Variants in CNTNAP2 observed in about 807,000 individuals in gnomAD.
CNTNAP2 encodes the protein contactin-associated protein-like 2.
A neutral mutation model predicts 155.2 loss-of-function variants in CNTNAP2; 98 were observed. That is an observed-to-expected ratio of 0.63 (90% confidence interval 0.54 to 0.75). The LOEUF (loss-of-function observed/expected upper bound fraction) is 0.75. CNTNAP2 is among the 30% of genes least tolerant of loss of function. CNTNAP2 has a pLI of 0.00. For synonymous variants in CNTNAP2, 651 were observed against 631.2 expected (o/e 1.03, Z -0.47); for missense variants, 1,727 against 1,688.1 (o/e 1.02, Z -0.40).
At chr7:147,599,624 A>C (rs1310065804) in intron 12 of CNTNAP2, among the ~76,000 whole-genome samples, 1 of 152,098 alleles carries the variant, frequency 6.6e-6, no homozygotes, top group Non-Finnish European at 1.5e-5. Context: ...TGGGGAAAAA[A>C]ATCTTTCCTT....
chr7:147,748,768 T>C (rs1038958249), intron 13 of CNTNAP2, among the ~76,000 whole-genome samples: 2 of 152,156 alleles, frequency 1.3e-5, no homozygotes, highest in Admixed American at 6.6e-5. Context: ...CTGGACTAAA[T>C]AGTGTGTCTA....
intron 1 of CNTNAP2, among the ~76,000 whole-genome samples, chr7:146,524,784 T>A (rs190774050): frequency 1.6e-3 from 238 of 152,250 alleles, no homozygotes; most frequent in Middle Eastern, 3.4e-3. Flanking sequence ...GACACCTTTT[T>A]AAAGTAAACC....
At chr7:146,862,423 C>T (rs1214752650) in intron 3 of CNTNAP2, among the ~76,000 whole-genome samples, 1 of 151,488 alleles carries the variant, frequency 6.6e-6, no homozygotes, top group African/African-American at 2.4e-5. Flanking sequence ...ACTTCTTACA[C>T]TTCCTTGTTA....
intron 22 of CNTNAP2, among the ~76,000 whole-genome samples, chr7:148,407,075 GTGA>G (rs1563076467): frequency 6.6e-6 from 1 of 152,164 alleles, no homozygotes; most frequent in African/African-American, 2.4e-5. Flanking sequence ...TAAAGATTTA[GTGA>G]ATAAGTAAAT....
intron 1 of CNTNAP2, among the ~76,000 whole-genome samples, chr7:146,439,288 CAA>C (rs761347036): frequency 9.2e-5 from 14 of 151,496 alleles, no homozygotes; most frequent in Non-Finnish European, 1.9e-4. Context: ...GTATGCTTGT[CAA>C]AGTGTTTAGC....
intron 22 of CNTNAP2, among the ~76,000 whole-genome samples, chr7:148,391,896 C>A (rs1163654588): frequency 6.6e-6 from 1 of 152,116 alleles, no homozygotes; most frequent in East Asian, 1.9e-4. Flanking sequence ...CTTTAAAAGG[C>A]GTTTGTGTTA....
intron 21 of CNTNAP2, among the ~76,000 whole-genome samples, chr7:148,318,877 A>T (rs1329908211): frequency 2.0e-5 from 3 of 152,226 alleles, no homozygotes; most frequent in Non-Finnish European, 2.9e-5. Context: ...GTCAGAAAAG[A>T]ACAGATCAAA....
intron 1 of CNTNAP2, among the ~76,000 whole-genome samples, chr7:146,590,914 T>C (rs1276022172): frequency 6.6e-6 from 1 of 152,228 alleles, no homozygotes; most frequent in Non-Finnish European, 1.5e-5. Context: ...TTTTTTCTTA[T>C]ATTAATGGTA....
rs533188418 is a variant in CNTNAP2 at position 147,949,653 on chromosome 7, C to T, written c.2256-28209C>T. Among the ~76,000 whole-genome samples, 68 of 152,152 alleles carry T rather than the reference C, an allele frequency of 4.5e-4. 1 individual carries two copies. The highest frequency in any genetic ancestry group is 1.5e-3 in the African/African-American group (64 of 41,514). ...TAGCAAGAAATAGACTCAGTGACCT[C>T]AGCAGCATTCTAATGCATGGAAAGG... On this transcript the variant is annotated intron_variant, in intron 14 of 23. Transcript: ENST00000361727.
intron 15 of CNTNAP2, among the ~76,000 whole-genome samples, chr7:148,005,123 C>T (rs1434809640): frequency 2.6e-5 from 4 of 152,162 alleles, no homozygotes; most frequent in Non-Finnish European, 5.9e-5. Context: ...AAATTTGTAT[C>T]TCCCAGGTCT....
At chr7:146,839,117 A>G (rs1285223884) in intron 2 of CNTNAP2, among the ~76,000 whole-genome samples, 1 of 152,100 alleles carries the variant, frequency 6.6e-6, no homozygotes, top group African/African-American at 2.4e-5. Context: ...TATGACTTAC[A>G]AGAGGTATTG....
intron 1 of CNTNAP2, among the ~76,000 whole-genome samples, chr7:146,727,895 A>G (rs924331411): frequency 3.9e-5 from 6 of 152,170 alleles, no homozygotes; most frequent in African/African-American, 1.2e-4. Context: ...CCATTGAAGT[A>G]CTACTCATGG....
chr7:146,576,685 A>G (rs892747656), intron 1 of CNTNAP2, among the ~76,000 whole-genome samples: 3 of 152,158 alleles, frequency 2.0e-5, no homozygotes, highest in Non-Finnish European at 4.4e-5. Context: ...ACTTTCCTAC[A>G]TTTCTGTTGA....
chr7:147,583,492 A>ATG (rs1335430192), intron 12 of CNTNAP2, among the ~76,000 whole-genome samples: 20 of 126,684 alleles, frequency 1.6e-4, no homozygotes, highest in African/African-American at 6.0e-4. Flanking sequence ...ATATATATAT[A>ATG]AAAGACATGA....
intron 15 of CNTNAP2, among the ~76,000 whole-genome samples, chr7:147,990,867 T>C (rs1323402500): frequency 6.6e-6 from 1 of 152,116 alleles, no homozygotes; most frequent in African/African-American, 2.4e-5. Context: ...ATTGGCCACA[T>C]GATTAAATAT....
intron 8 of CNTNAP2, chr7:147,167,285 G>A (rs949321091): frequency 6.5e-5 from 26 of 397,060 alleles, no homozygotes; most frequent in African/African-American, 3.6e-4. Flanking sequence ...TTTCTTTAAC[G>A]TTTATAATCA....
intron 1 of CNTNAP2, among the ~76,000 whole-genome samples, chr7:146,224,431 T>TAAA (rs60496758): frequency 1.3e-4 from 18 of 143,256 alleles, no homozygotes; most frequent in East Asian, 4.0e-4. Context: ...CACAGTGGTT[T>TAAA]AAAAAAAAAA....
At chr7:146,671,423 T>C (rs1367708530) in intron 1 of CNTNAP2, among the ~76,000 whole-genome samples, 1 of 79,394 alleles carries the variant, frequency 1.3e-5, no homozygotes, top group Non-Finnish European at 3.6e-5. Flanking sequence ...TCTCTTTTTT[T>C]GTCACTCACA....
intron 1 of CNTNAP2, among the ~76,000 whole-genome samples, chr7:146,531,167 A>G (rs926231555): frequency 1.3e-5 from 2 of 152,196 alleles, no homozygotes; most frequent in African/African-American, 2.4e-5. Flanking sequence ...GGAGCTAAAC[A>G]TTGAGTACAT....
Sources: allele counts gnomAD v4.1 joint callset (sites outside exome capture counted in the v4.1 genomes callset), GRCh38; gene constraint gnomAD v4.1.1; transcripts MANE v1.5; gene names NCBI Gene and HGNC (gene_info 2026-07-23, HGNC 2026-07-21).